Variants in PARG observed in about 807,000 individuals in gnomAD.
The protein encoded by PARG is poly(ADP-ribose) glycohydrolase.
A neutral mutation model predicts 113.0 loss-of-function variants in PARG; 35 were observed. The observed-to-expected ratio is 0.31, with a 90% confidence interval of 0.24 to 0.41. The LOEUF (loss-of-function observed/expected upper bound fraction) is 0.41, where lower values mean the gene tolerates loss of function less well. PARG is among the 10% of genes least tolerant of loss of function. The probability of loss-of-function intolerance (pLI) is 1.00; values close to 1 mark genes in which losing one functional copy is unlikely to be tolerated. For missense variants in PARG, 797 were observed against 1,169.4 expected (o/e 0.68, Z 4.64); for synonymous variants, 330 against 409.9 (o/e 0.81, Z 2.36).
intron 13 of PARG, among the ~76,000 whole-genome samples, chr10:49,854,692 A>G (rs1474381121): frequency 2.9e-5 from 4 of 139,128 alleles, no homozygotes; most frequent in Non-Finnish European, 4.7e-5. Flanking sequence ...CAGCCCTTCA[A>G]CAAAGACTAT....
In PARG at chr10:49,819,297, G is replaced by A. The variant is rs1341235217; in HGVS notation, c.*43C>T. On this transcript the variant is annotated 3_prime_UTR_variant, in exon 18 of 18. Coordinates refer to ENST00000616448, the MANE Select transcript of PARG (RefSeq NM_003631.5). ...TTACACCTGACAGCTCAAACAGGACGTCTCTGGTGGGAGGTGGGAGGAGAT... is the reference window on the plus strand; with the variant it reads ...TTACACCTGACAGCTCAAACAGGACATCTCTGGTGGGAGGTGGGAGGAGAT... The A allele has an allele frequency of 4.0e-6, 6 of 1,502,120 alleles. No individual in the cohort carries two copies. The highest frequency in any genetic ancestry group is 2.5e-5 in the East Asian group (1 of 40,586). The allele number at this position is 1,502,120 out of a possible 1,614,324, so 93.0% of individuals were successfully genotyped here. A position where few individuals can be genotyped will look rare whatever the true frequency, so the allele number is the denominator to read the frequency against.
At chr10:49,901,319 G>T (rs1187710349) in intron 7 of PARG, among the ~76,000 whole-genome samples, 4 of 151,686 alleles carry the variant, frequency 2.6e-5, no homozygotes, top group Non-Finnish European at 4.4e-5. Context: ...TCACCATCTT[G>T]CCCGGGCTGG....
intron 4 of PARG, among the ~76,000 whole-genome samples, chr10:49,925,862 A>G (rs1415778636): frequency 1.3e-5 from 2 of 152,248 alleles, no homozygotes; most frequent in African/African-American, 4.8e-5. Flanking sequence ...ATTCTTAGCA[A>G]AGCAATTTTA....
At chr10:49,940,424 T>G (rs1424167887) in intron 1 of PARG, among the ~76,000 whole-genome samples, 169 of 146,586 alleles carry the variant, frequency 1.2e-3, no homozygotes, top group African/African-American at 4.1e-3. Flanking sequence ...CATATCCAAT[T>G]TGATCTGACT....
chr10:49,857,095 A>G (rs1274675680), intron 13 of PARG, among the ~76,000 whole-genome samples: 2 of 151,960 alleles, frequency 1.3e-5, no homozygotes, highest in African/African-American at 4.8e-5. Flanking sequence ...AGATGCCACG[A>G]AAGAAAGAAA....
chr10:49,863,114 C>T (rs145574930), intron 11 of PARG, among the ~76,000 whole-genome samples: 2,134 of 150,442 alleles, frequency 0.014, 49 homozygotes, highest in African/African-American at 0.048. Flanking sequence ...TCCTCTACAC[C>T]CCCGCCCCAG....
At chr10:49,927,449 T>C (rs1208203070) in intron 4 of PARG, among the ~76,000 whole-genome samples, 2 of 150,776 alleles carry the variant, frequency 1.3e-5, no homozygotes, top group African/African-American at 4.9e-5. Context: ...TCTATATAGG[T>C]GATCACTAAA....
chr10:49,894,260 T>C (rs1446004634), intron 7 of PARG, among the ~76,000 whole-genome samples: 1 of 151,318 alleles, frequency 6.6e-6, no homozygotes, highest in African/African-American at 2.4e-5. Context: ...CAGGTTGGCC[T>C]TGAACTCTTG....
At chr10:49,846,373 G>GTTT (rs35336063) in intron 13 of PARG, among the ~76,000 whole-genome samples, 30 of 145,496 alleles carry the variant, frequency 2.1e-4, no homozygotes, top group African/African-American at 3.3e-4. Context: ...TGATAGACAT[G>GTTT]TTTTTTTTTT....
chr10:49,860,070 T>C lies in PARG; in HGVS notation c.2205+1518A>G, dbSNP rs1305034593. Among the ~76,000 whole-genome samples the C allele has an allele frequency of 5.9e-5, 9 of 152,338 alleles. No homozygotes were observed. The East Asian group carries it at 1.7e-3, about 29-fold the overall frequency. On this transcript the variant is annotated intron_variant, in intron 12 of 17. Transcript: ENST00000616448. ...GCCATTCAGCATCATGTAATTTATA[T>C]GCTACACAAGGAGCTCTGTAGCATT...
At chr10:49,922,315 A>G in intron 6 of PARG, 21 bp downstream of exon 6, 1 of 1,586,962 alleles carries the variant, frequency 6.3e-7, no homozygotes, top group Non-Finnish European at 8.6e-7. Context: ...TAAACAGGCA[A>G]GCATGGTAAA....
intron 13 of PARG, among the ~76,000 whole-genome samples, chr10:49,853,520 T>C (rs1289835626): frequency 6.6e-6 from 1 of 152,164 alleles, no homozygotes; most frequent in African/African-American, 2.4e-5. Flanking sequence ...CCCTAGTACC[T>C]TGCCCAATTA....
At chr10:49,898,982 T>C (rs1250315120) in intron 7 of PARG, among the ~76,000 whole-genome samples, 1 of 152,208 alleles carries the variant, frequency 6.6e-6, no homozygotes, top group Non-Finnish European at 1.5e-5. Flanking sequence ...AAGACAAGAT[T>C]TATGATTGAT....
chr10:49,891,615 ATATATATATTTTTTTTTTTTT>A (rs1215543755), intron 7 of PARG, among the ~76,000 whole-genome samples: 6 of 63,216 alleles, frequency 9.5e-5, no homozygotes, highest in Non-Finnish European at 1.6e-4. Context: ...ATATATATAT[ATATATATATTTTTTTTTTTTT>A]TTTTTTTTTT....
intron 8 of PARG, among the ~76,000 whole-genome samples, chr10:49,884,953 A>G (rs1413203905): frequency 6.7e-6 from 1 of 148,438 alleles, no homozygotes. Flanking sequence ...TGAGGAATGG[A>G]ATGCTGCATT....
chr10:49,846,847 G>A (rs1484438447), intron 13 of PARG, among the ~76,000 whole-genome samples: 1 of 151,894 alleles, frequency 6.6e-6, no homozygotes, highest in African/African-American at 2.4e-5. Context: ...CTGCAGAAAT[G>A]GCTGATTCCA....
At chr10:49,916,458 T>C (rs1837476437) in intron 6 of PARG, among the ~76,000 whole-genome samples, 1 of 152,052 alleles carries the variant, frequency 6.6e-6, no homozygotes. Context: ...AAATAAAAAT[T>C]TCATGGGGAT....
chr10:49,886,247 T>C (rs1554840428), intron 7 of PARG, among the ~76,000 whole-genome samples: 1 of 152,224 alleles, frequency 6.6e-6, no homozygotes, highest in Non-Finnish European at 1.5e-5. Flanking sequence ...CCTACTTCCC[T>C]ATGTGACCAA....
chr10:49,838,262 C>T (rs1248189531), intron 15 of PARG, among the ~76,000 whole-genome samples: 1 of 151,802 alleles, frequency 6.6e-6, no homozygotes, highest in African/African-American at 2.4e-5. Flanking sequence ...GAAACCCCGT[C>T]TCTAATTAAA....
Sources: allele counts gnomAD v4.1 joint callset (sites outside exome capture counted in the v4.1 genomes callset), GRCh38; gene constraint gnomAD v4.1.1; transcripts MANE v1.5; gene names NCBI Gene and HGNC (gene_info 2026-07-23, HGNC 2026-07-21).